The following LMO1 variants were observed in gnomAD, a reference collection of about 807,000 sequenced individuals.
LMO1 encodes the protein rhombotin-1.
LMO1 carries 10 observed loss-of-function variants against 18.0 expected under a neutral mutation model. That is an observed-to-expected ratio of 0.55 (90% confidence interval 0.34 to 0.94). The LOEUF is 0.94. LMO1 is among the 40% of genes least tolerant of loss of function. The pLI is 0.02. For synonymous variants in LMO1, 77 were observed against 77.9 expected (o/e 0.99, Z 0.06); for missense variants, 183 against 205.7 (o/e 0.89, Z 0.68).
At chr11:8,239,663 G>A (rs1846750319) in intron 1 of LMO1, among the ~76,000 whole-genome samples, 2 of 152,210 alleles carry the variant, frequency 1.3e-5, no homozygotes, top group African/African-American at 4.8e-5. Context: ...GGGGAGCAGA[G>A]AGGTCCTGGA....
At chr11:8,234,001 GGAT>G (rs1316847389) in intron 1 of LMO1, among the ~76,000 whole-genome samples, 24 of 152,292 alleles carry the variant, frequency 1.6e-4, no homozygotes, top group African/African-American at 5.5e-4. Context: ...ATTTCACAAT[GGAT>G]GATGTTTGCG....
intron 1 of LMO1, among the ~76,000 whole-genome samples, chr11:8,235,234 C>A (rs1332754083): frequency 2.0e-5 from 3 of 152,200 alleles, no homozygotes; most frequent in Non-Finnish European, 4.4e-5. Context: ...AGAACACTTG[C>A]AAGAATAGTA....
intron 2 of LMO1, among the ~76,000 whole-genome samples, chr11:8,227,311 G>C (rs12287681): frequency 0.054 from 8,279 of 152,284 alleles, 748 homozygotes; most frequent in African/African-American, 0.19. Flanking sequence ...CCCTTCCAGG[G>C]AGGGTGTGTA....
At position 8,228,281 on chromosome 11, in the gene LMO1, G is replaced by A. The variant is rs146514644; in HGVS notation, c.240-1181C>T. 3.3e-5 allele frequency among the ~76,000 whole-genome samples: 5 copies of A among 152,344 alleles called. No homozygotes were observed. The East Asian group carries it at 9.6e-4, about 29-fold the overall frequency. The stretch of plus-strand genomic sequence containing the variant: ...TGTCCCAATGGTCTGAGCCATCCCG[G>A]CTCCTCCTTGCTTCTTTCCTGCACA... On this transcript the variant is annotated intron_variant, in intron 2 of 3. Coordinates refer to ENST00000335790, the MANE Select transcript of LMO1 (RefSeq NM_002315.3).
upstream of LMO1, among the ~76,000 whole-genome samples, chr11:8,267,001 C>T (rs1847267935): frequency 6.6e-6 from 1 of 152,248 alleles, no homozygotes; most frequent in Non-Finnish European, 1.5e-5. Flanking sequence ...CCTTCCCTTC[C>T]CCCTGCTTAC....
At chr11:8,251,441 C>T (rs751759811) in intron 1 of LMO1, among the ~76,000 whole-genome samples, 13 of 152,220 alleles carry the variant, frequency 8.5e-5, no homozygotes, top group Admixed American at 4.6e-4. Context: ...CGCCCCGTAA[C>T]AGCCAGGAAA....
At chr11:8,254,518 G>T (rs1847056726) in intron 1 of LMO1, among the ~76,000 whole-genome samples, 1 of 152,174 alleles carries the variant, frequency 6.6e-6, no homozygotes, top group African/African-American at 2.4e-5. Flanking sequence ...GTCAGCTCAG[G>T]GAACACAGAA....
rs568721909 is a variant in LMO1, at chr11:8,257,870, C to T, written c.25+5468G>A. Among the ~76,000 whole-genome samples, 6 of 152,350 alleles carry T rather than the reference C, an allele frequency of 3.9e-5. No individual in the cohort carries two copies. In the East Asian group the frequency reaches 1.2e-3, roughly 29 times the overall value. The stretch of plus-strand genomic sequence containing the variant: ...AGCAAACAAAGCACTGGACTGGACA[C>T]AGAGTTATTTCAGATCATACTGTAA... On this transcript the variant is annotated intron_variant, in intron 1 of 3. Coordinates refer to ENST00000335790, the MANE Select transcript of LMO1 (RefSeq NM_002315.3).
intron 2 of LMO1, among the ~76,000 whole-genome samples, chr11:8,230,025 G>A (rs900700543): frequency 2.6e-5 from 4 of 152,192 alleles, no homozygotes; most frequent in Non-Finnish European, 4.4e-5. Flanking sequence ...TGGGGCCCTC[G>A]GAAAGCTTAA....
chr11:8,261,092 C>T (rs1199181415), intron 1 of LMO1, among the ~76,000 whole-genome samples: 1 of 152,124 alleles, frequency 6.6e-6, no homozygotes, highest in African/African-American at 2.4e-5. Context: ...AGTGCAGATG[C>T]ATGAGCAGAA....
chr11:8,224,771 A>T (rs1326441301), intron 3 of LMO1, 50 bp from the exon 4 acceptor site: 1 of 1,259,664 alleles, frequency 7.9e-7, no homozygotes, highest in Admixed American at 2.0e-5. Flanking sequence ...CCCAGTGGGT[A>T]AGGGGGGGGC....
chr11:8,260,347 C>T (rs1047381131), intron 1 of LMO1, among the ~76,000 whole-genome samples: 4 of 152,184 alleles, frequency 2.6e-5, no homozygotes, highest in Non-Finnish European at 5.9e-5. Context: ...AAAGTTGGAG[C>T]TCAGTTCCAT....
At chr11:8,225,457 G>A (rs895807253) in intron 3 of LMO1, among the ~76,000 whole-genome samples, 10 of 149,484 alleles carry the variant, frequency 6.7e-5, no homozygotes, top group South Asian at 2.1e-4. Context: ...AGGAAGGAGG[G>A]ATAAAATGGT....
At chr11:8,243,338 A>T (rs1329559871) in intron 1 of LMO1, among the ~76,000 whole-genome samples, 2 of 152,198 alleles carry the variant, frequency 1.3e-5, no homozygotes, top group Non-Finnish European at 2.9e-5. Context: ...AGCTGTTTAG[A>T]ATACAAGCTT....
chr11:8,248,265 C>T (rs1424869316), intron 1 of LMO1, among the ~76,000 whole-genome samples: 3 of 152,240 alleles, frequency 2.0e-5, no homozygotes, highest in Non-Finnish European at 4.4e-5. Flanking sequence ...TGAGCTGGTG[C>T]TCTTGGGGGT....
At chr11:8,230,012 G>C (rs1420243519) in intron 2 of LMO1, among the ~76,000 whole-genome samples, 1 of 152,258 alleles carries the variant, frequency 6.6e-6, no homozygotes, top group Non-Finnish European at 1.5e-5. Flanking sequence ...GGCGGAGCCA[G>C]ACTGGGGCCC....
chr11:8,256,472 G>A (rs1265759398), intron 1 of LMO1, among the ~76,000 whole-genome samples: 1 of 152,250 alleles, frequency 6.6e-6, no homozygotes, highest in Non-Finnish European at 1.5e-5. Context: ...GAAGGGACAG[G>A]AGGGAGGAGC....
At chr11:8,249,647 C>G (rs1846954883) in intron 1 of LMO1, among the ~76,000 whole-genome samples, 1 of 152,170 alleles carries the variant, frequency 6.6e-6, no homozygotes, top group Non-Finnish European at 1.5e-5. Context: ...AACTCCTACC[C>G]ACGGCCTGCA....
At position 8,263,652 on chromosome 11, in the gene LMO1, G is replaced by A; in HGVS notation, c.-290C>T. ...AGAGAAGGGGGAAAAGAGGATCAGA[G>A]CCGTTTCTTTGATTCTCACCTTCTA... On this transcript the variant is annotated 5_prime_UTR_variant, in exon 1 of 4. Coordinates refer to ENST00000335790, the MANE Select transcript of LMO1 (RefSeq NM_002315.3). 7.6e-7 allele frequency: 1 copy of A among 1,318,460 alleles called. No individual in the cohort carries two copies. Among genetic ancestry groups the A allele is most frequent in the Non-Finnish European group, 9.6e-7 (1 of 1,037,782 alleles). The allele number at this position is 1,318,460 out of a possible 1,614,324, so 81.7% of individuals were successfully genotyped here.
Sources: allele counts gnomAD v4.1 joint callset (sites outside exome capture counted in the v4.1 genomes callset), GRCh38; gene constraint gnomAD v4.1.1; transcripts MANE v1.5; gene names NCBI Gene and HGNC (gene_info 2026-07-23, HGNC 2026-07-21).